KCNJ3: variants seen among roughly 807,000 people sequenced by gnomAD.
KCNJ3 encodes potassium inwardly rectifying channel subfamily J member 3.
Under a neutral mutation model 39.2 loss-of-function variants are expected in KCNJ3, and 4 were observed. The ratio of observed to expected loss-of-function variants is 0.10; its 90% confidence interval spans 0.05 to 0.23. KCNJ3 has a LOEUF of 0.23. Ranked by LOEUF, KCNJ3 falls within the 10% of genes least tolerant of loss-of-function variation. The pLI is 1.00. For missense variants in KCNJ3, 276 were observed against 634.9 expected (o/e 0.43, Z 6.08); for synonymous variants, 230 against 237.4 (o/e 0.97, Z 0.29).
chr2:154,844,817 G>T (rs2105133406), intron 2 of KCNJ3, among the ~76,000 whole-genome samples: 1 of 152,276 alleles, frequency 6.6e-6, no homozygotes, highest in East Asian at 1.9e-4. Context: ...CACAGTATTT[G>T]GGCAGAAGTG....
chr2:154,716,276 ATTTTTTTTT>A (rs535989708), intron 2 of KCNJ3, among the ~76,000 whole-genome samples: 28 of 115,458 alleles, frequency 2.4e-4, no homozygotes, highest in African/African-American at 9.3e-4. Flanking sequence ...CGGCCGGCTA[ATTTTTTTTT>A]TTTTTTTTTT....
intron 2 of KCNJ3, among the ~76,000 whole-genome samples, chr2:154,830,564 C>A (rs2591173): frequency 0.44 from 66,208 of 151,922 alleles, 15,970 homozygotes; most frequent in Non-Finnish European, 0.54. Flanking sequence ...TGAGACCCAG[C>A]CAGTGCTCTG....
intron 2 of KCNJ3, among the ~76,000 whole-genome samples, chr2:154,780,863 A>G (rs933490974): frequency 6.6e-6 from 1 of 152,196 alleles, no homozygotes; most frequent in East Asian, 1.9e-4. Context: ...ATGGCTGCCC[A>G]AAGATGTTTA....
At chr2:154,852,901 C>A (rs1179685938) in intron 2 of KCNJ3, among the ~76,000 whole-genome samples, 2 of 151,868 alleles carry the variant, frequency 1.3e-5, no homozygotes, top group Non-Finnish European at 2.9e-5. Flanking sequence ...TGCACCATTA[C>A]AGAGTTTAAG....
In KCNJ3 at chr2:154,792,119, C is replaced by T. The variant is rs533926619; in HGVS notation, c.920-62608C>T. Among the ~76,000 whole-genome samples the T allele has an allele frequency of 2.0e-5, 3 of 152,120 alleles. No homozygotes were observed. In the South Asian group the frequency reaches 6.2e-4, roughly 32 times the overall value. On this transcript the variant is annotated intron_variant, in intron 2 of 2. Coordinates refer to ENST00000295101, the MANE Select transcript of KCNJ3 (RefSeq NM_002239.4). ...GCTCCTACTTGTCTTCCTGGGTGTA[C>T]CAAAATGACAAGGCCCTGACTATTC... is the stretch of plus-strand genomic sequence containing the variant.
intron 2 of KCNJ3, among the ~76,000 whole-genome samples, chr2:154,781,741 C>T (rs180680734): frequency 3.8e-4 from 58 of 152,120 alleles, no homozygotes; most frequent in East Asian, 1.9e-4. Context: ...TTGCCCGAAC[C>T]ATTTAATAAT....
chr2:154,858,145 C>T lies in KCNJ3; in HGVS notation c.*2832C>T, dbSNP rs539866217. ...AAGGTATGATTTCTGCATGTAATTG[C>T]AGTTTAACCCTTATTTCTAGGTTGA... On this transcript the variant is annotated 3_prime_UTR_variant, in exon 3 of 3. Coordinates refer to ENST00000295101, the MANE Select transcript of KCNJ3 (RefSeq NM_002239.4). 2.0e-5 allele frequency: 3 copies of T among 152,018 alleles called. No individual in the cohort carries two copies. The South Asian group carries it at 6.2e-4, about 32-fold the overall frequency. The allele number at this position is 152,018 out of a possible 1,614,324, so 9.4% of individuals were successfully genotyped here. A position where few individuals can be genotyped will look rare whatever the true frequency, so the allele number is the denominator to read the frequency against.
intron 2 of KCNJ3, among the ~76,000 whole-genome samples, chr2:154,776,044 TAGGCTGG>T (rs948495648): frequency 6.6e-6 from 1 of 151,066 alleles, no homozygotes; most frequent in African/African-American, 2.4e-5. Flanking sequence ...TCTTGTTGCC[TAGGCTGG>T]AGTGTAGTGG....
At chr2:154,786,396 C>CA (rs1686530479) in intron 2 of KCNJ3, among the ~76,000 whole-genome samples, 1 of 152,110 alleles carries the variant, frequency 6.6e-6, no homozygotes, top group Admixed American at 6.5e-5. Context: ...AATTTATAAA[C>CA]ATTTCATTCA....
At chr2:154,777,771 A>T (rs1482056708) in intron 2 of KCNJ3, among the ~76,000 whole-genome samples, 1 of 152,156 alleles carries the variant, frequency 6.6e-6, no homozygotes, top group East Asian at 1.9e-4. Context: ...AACCTACTGA[A>T]TTTTTCAACT....
intron 1 of KCNJ3, among the ~76,000 whole-genome samples, chr2:154,700,948 C>T (rs1301170227): frequency 6.6e-6 from 1 of 152,152 alleles, no homozygotes; most frequent in Non-Finnish European, 1.5e-5. Context: ...CGTTCATTAA[C>T]TATGAATAAA....
At chr2:154,733,234 A>G in intron 2 of KCNJ3, among the ~76,000 whole-genome samples, 1 of 151,996 alleles carries the variant, frequency 6.6e-6, no homozygotes, top group East Asian at 1.9e-4. Flanking sequence ...CTAATTCTCA[A>G]GTGAATGCTT....
chr2:154,726,796 T>TAC (rs58366846), intron 2 of KCNJ3, among the ~76,000 whole-genome samples: 31,886 of 115,118 alleles, frequency 0.28, 3,713 homozygotes, highest in Admixed American at 0.39. Flanking sequence ...TTTATATACA[T>TAC]ACACACACAC....
chr2:154,772,314 C>T (rs1686257350), intron 2 of KCNJ3, among the ~76,000 whole-genome samples: 1 of 152,016 alleles, frequency 6.6e-6, no homozygotes, highest in Admixed American at 6.6e-5. Flanking sequence ...GTTCCCACTC[C>T]TTACGTATGG....
At chr2:154,768,247 A>G (rs578073717) in intron 2 of KCNJ3, among the ~76,000 whole-genome samples, 1 of 152,296 alleles carries the variant, frequency 6.6e-6, no homozygotes, top group Non-Finnish European at 1.5e-5. Context: ...CATTTTAGTC[A>G]TGAAGTCTTT....
At chr2:154,707,744 A>G (rs890196490) in intron 1 of KCNJ3, among the ~76,000 whole-genome samples, 7 of 152,296 alleles carry the variant, frequency 4.6e-5, no homozygotes, top group African/African-American at 9.6e-5. Context: ...AATTAATTAT[A>G]CACATCAGAA....
intron 2 of KCNJ3, among the ~76,000 whole-genome samples, chr2:154,808,273 G>A (rs767602613): frequency 2.8e-4 from 42 of 151,806 alleles, no homozygotes; most frequent in African/African-American, 8.0e-4. Context: ...TAGAGATGGC[G>A]TTTCACCATG....
Position 154,807,760 on chromosome 2 carries a change from A to C in KCNJ3, c.920-46967A>C, listed in dbSNP as rs138397003. On this transcript the variant is annotated intron_variant, in intron 2 of 2. Coordinates refer to ENST00000295101, the MANE Select transcript of KCNJ3 (RefSeq NM_002239.4). ...ACCACCACCTGGTGAAGAGTGGCAGATCTAAGAGTTGTTTAAATTTAAACA... is the reference window on the plus strand; with the variant it reads ...ACCACCACCTGGTGAAGAGTGGCAGCTCTAAGAGTTGTTTAAATTTAAACA... Among the ~76,000 whole-genome samples the C allele has an allele frequency of 8.4e-3, 1,277 of 152,264 alleles. 21 individuals carry two copies. Among genetic ancestry groups the C allele is most frequent in the African/African-American group, 0.029 (1,192 of 41,548 alleles).
At chr2:154,705,405 G>A (rs1312259295) in intron 1 of KCNJ3, among the ~76,000 whole-genome samples, 2 of 152,118 alleles carry the variant, frequency 1.3e-5, no homozygotes, top group African/African-American at 4.8e-5. Context: ...TCTGTAATAT[G>A]AAGACTGTCG....
Sources: allele counts gnomAD v4.1 joint callset (sites outside exome capture counted in the v4.1 genomes callset), GRCh38; gene constraint gnomAD v4.1.1; transcripts MANE v1.5; gene names NCBI Gene and HGNC (gene_info 2026-07-23, HGNC 2026-07-21).